PNKD: variants seen among roughly 807,000 people sequenced by gnomAD.
PNKD encodes probable thioesterase PNKD.
A neutral mutation model predicts 45.3 loss-of-function variants in PNKD; 36 were observed. The observed-to-expected ratio is 0.80, with a 90% confidence interval of 0.61 to 1.05. The LOEUF (loss-of-function observed/expected upper bound fraction) is 1.05, where lower values mean the gene tolerates loss of function less well. Ranked by LOEUF, PNKD falls within the 50% of genes least tolerant of loss-of-function variation. The pLI is 0.00. For synonymous variants in PNKD, 197 were observed against 210.1 expected (o/e 0.94, Z 0.54); for missense variants, 511 against 506.6 (o/e 1.01, Z -0.08).
intron 2 of PNKD, among the ~76,000 whole-genome samples, chr2:218,291,475 C>G (rs1340273834): frequency 2.0e-5 from 3 of 152,200 alleles, no homozygotes; most frequent in Non-Finnish European, 4.4e-5. Context: ...GAGAACTGGA[C>G]ACCTGAGGGC....
chr2:218,320,965 T>C (rs1245887272), intron 2 of PNKD, among the ~76,000 whole-genome samples: 1 of 152,216 alleles, frequency 6.6e-6, no homozygotes, highest in East Asian at 1.9e-4. Context: ...TCCCTGGGCC[T>C]GCATGACTCC....
intron 2 of PNKD, chr2:218,327,245 C>T (rs1694179579): frequency 6.6e-6 from 1 of 152,214 alleles, no homozygotes; most frequent in Admixed American, 6.5e-5. Context: ...CTGGCAACCC[C>T]CCCTGGGACG....
intron 2 of PNKD, among the ~76,000 whole-genome samples, chr2:218,276,348 AAAAG>A (rs1691210680): frequency 6.6e-6 from 1 of 152,234 alleles, no homozygotes; most frequent in Admixed American, 6.5e-5. Context: ...CTTCTAGAAA[AAAAG>A]CAGTTGAGTT....
intron 2 of PNKD, chr2:218,323,522 C>G: frequency 9.4e-7 from 1 of 1,062,202 alleles, no homozygotes; most frequent in Non-Finnish European, 1.2e-6. Flanking sequence ...TGGGGGTGGG[C>G]GTGGCGGTTA....
Position 218,343,507 on chromosome 2 carries a change from C to T in PNKD, c.789C>T (p.Thr263=), listed in dbSNP as rs765549693. The change falls in exon 8 of 10, where the codon ACC becomes ACT. Residue 263 remains threonine, a synonymous_variant. Coordinates refer to ENST00000273077, the MANE Select transcript of PNKD (RefSeq NM_015488.5). ...DLLFLSGCGR[T]FEGNAETMLS... Reference sequence around the variant, plus strand: ...CCTCCAACCCCCACCCAGGGCGGACCTTTGAGGGCAATGCAGAGACCATGC... The same window carrying T: ...CCTCCAACCCCCACCCAGGGCGGACTTTTGAGGGCAATGCAGAGACCATGC... 4.3e-5 allele frequency: 69 copies of T among 1,613,288 alleles called. No homozygotes were observed. In the South Asian group the frequency reaches 6.8e-4, roughly 16 times the overall value.
intron 2 of PNKD, among the ~76,000 whole-genome samples, chr2:218,297,871 G>A (rs1195253143): frequency 2.7e-5 from 4 of 150,906 alleles, no homozygotes; most frequent in Non-Finnish European, 4.4e-5. Context: ...GATGGCAGGC[G>A]CCTGTGGTCC....
intron 2 of PNKD, among the ~76,000 whole-genome samples, chr2:218,325,198 C>CATT (rs1559526024): frequency 5.0e-5 from 2 of 39,764 alleles, no homozygotes; most frequent in African/African-American, 2.4e-4. Context: ...CGCACCCGGC[C>CATT]TTTTTTTTTT....
Position 218,326,722 on chromosome 2 carries a change from G to A in PNKD, c.237-13061G>A, listed in dbSNP as rs1054778834. On this transcript the variant is annotated intron_variant, in intron 2 of 9. Coordinates refer to ENST00000273077, the MANE Select transcript of PNKD (RefSeq NM_015488.5). The surrounding 1 kb of genome is among the most constrained non-coding windows in gnomAD (Gnocchi z 4.1). Reference sequence around the variant, plus strand: ...ACTTAATTCCACCCCTGTCTTCCAAGCCTGTCCTACCCACCACCCAGCAGG... The same window carrying A: ...ACTTAATTCCACCCCTGTCTTCCAAACCTGTCCTACCCACCACCCAGCAGG... Among the ~76,000 whole-genome samples the A allele has an allele frequency of 2.6e-5, 4 of 152,222 alleles. No homozygotes were observed. The highest frequency in any genetic ancestry group is 9.6e-5 in the African/African-American group (4 of 41,522).
intron 2 of PNKD, chr2:218,277,879 G>A: frequency 6.2e-7 from 1 of 1,610,348 alleles, no homozygotes; most frequent in Non-Finnish European, 8.5e-7. Context: ...TCCCTTCCCT[G>A]GGAGCAGTCT....
At chr2:218,291,740 G>A (rs1021921519) in intron 2 of PNKD, among the ~76,000 whole-genome samples, 2 of 151,996 alleles carry the variant, frequency 1.3e-5, no homozygotes, top group African/African-American at 4.8e-5. Context: ...CCCTTTTCCC[G>A]TTTCTCTGTT....
At chr2:218,329,740 AACC>A (rs1221102019) in intron 2 of PNKD, among the ~76,000 whole-genome samples, 1 of 152,234 alleles carries the variant, frequency 6.6e-6, no homozygotes, top group African/African-American at 2.4e-5. Flanking sequence ...ACTTCGGGGA[AACC>A]CTTACCCTCA....
At chr2:218,283,636 A>C (rs1488287376) in intron 2 of PNKD, among the ~76,000 whole-genome samples, 1 of 152,218 alleles carries the variant, frequency 6.6e-6, no homozygotes, top group Non-Finnish European at 1.5e-5. Context: ...TGGAAGCAAG[A>C]GAGACCAGCG....
At chr2:218,317,226 C>T (rs894337146) in intron 2 of PNKD, among the ~76,000 whole-genome samples, 1 of 152,100 alleles carries the variant, frequency 6.6e-6, no homozygotes, top group African/African-American at 2.4e-5. Context: ...AGTTCAGAAC[C>T]ACCTATGCGA....
Position 218,328,498 on chromosome 2 carries a change from G to T in PNKD, c.237-11285G>T, listed in dbSNP as rs1694220394. 2.6e-5 allele frequency among the ~76,000 whole-genome samples: 4 copies of T among 152,180 alleles called. No homozygotes were observed. In the South Asian group the frequency reaches 6.2e-4, roughly 24 times the overall value. ...CAACCAGAATATGGCTACACAGGGGGAGAAACTTTGTTCAAGACTGTATCC... is the reference window on the plus strand; with the variant it reads ...CAACCAGAATATGGCTACACAGGGGTAGAAACTTTGTTCAAGACTGTATCC... On this transcript the variant is annotated intron_variant, in intron 2 of 9. Coordinates refer to ENST00000273077, the MANE Select transcript of PNKD (RefSeq NM_015488.5).
intron 2 of PNKD, among the ~76,000 whole-genome samples, chr2:218,319,574 C>T (rs1211809442): frequency 6.6e-6 from 1 of 151,960 alleles, no homozygotes; most frequent in Non-Finnish European, 1.5e-5. Flanking sequence ...CAGGGTTTCA[C>T]TGTATTGGTC....
chr2:218,343,372 G>T, intron 7 of PNKD, 128 bp from the exon 8 acceptor site: 1 of 793,834 alleles, frequency 1.3e-6, no homozygotes, highest in Admixed American at 2.0e-5. Context: ...GGGTGGGTCT[G>T]GAAAGTGCAC....
At chr2:218,344,091 A>G (rs1326617933) in intron 8 of PNKD, among the ~76,000 whole-genome samples, 1 of 152,224 alleles carries the variant, frequency 6.6e-6, no homozygotes, top group Admixed American at 6.5e-5. Context: ...CACAGCAGGT[A>G]CATCTGTGTC....
Position 218,293,211 on chromosome 2 carries a change from T to C in PNKD, c.236+21662T>C, listed in dbSNP as rs560625781. On this transcript the variant is annotated intron_variant, in intron 2 of 9. Coordinates refer to ENST00000273077, the MANE Select transcript of PNKD (RefSeq NM_015488.5). The stretch of plus-strand genomic sequence containing the variant: ...CCTACATTGAGATGTAGATTACTAC[T>C]GTTAGGTAGGTCTTAACCCTCATCT... 5.3e-5 allele frequency among the ~76,000 whole-genome samples: 8 copies of C among 152,364 alleles called. No homozygotes were observed. The South Asian group carries it at 1.7e-3, about 32-fold the overall frequency.
chr2:218,297,006 A>C (rs1693154093), intron 2 of PNKD, among the ~76,000 whole-genome samples: 1 of 152,174 alleles, frequency 6.6e-6, no homozygotes, highest in Non-Finnish European at 1.5e-5. Flanking sequence ...GGACGTATTT[A>C]CTGAATTGAG....
Sources: gnomAD v4.1 joint callset for allele counts (sites outside exome capture counted in the v4.1 genomes callset) on GRCh38, gnomAD v4.1.1 for gene constraint, Gnocchi (gnomAD v3.1) non-coding constraint, MANE v1.5 for transcripts, NCBI Gene and HGNC (gene_info 2026-07-23, HGNC 2026-07-21) for gene names.